Variants in VCAN observed in about 807,000 individuals in gnomAD.
VCAN encodes the protein versican core protein.
A neutral mutation model predicts 245.5 loss-of-function variants in VCAN; 44 were observed. The observed-to-expected ratio is 0.18, with a 90% confidence interval of 0.14 to 0.23. VCAN has a LOEUF of 0.23. Ranked by LOEUF, VCAN falls within the 10% of genes least tolerant of loss-of-function variation. The pLI, the probability that VCAN is intolerant of heterozygous loss-of-function variation, is 1.00. For synonymous variants in VCAN, 1,413 were observed against 1,437.0 expected, an observed-to-expected ratio of 0.98 and a Z score of 0.38; for missense variants, 3,793 against 4,057.9, an observed-to-expected ratio of 0.93 and a Z score of 1.77.
chr5:83,552,768 T>A (rs1747518743), intron 10 of VCAN, among the ~76,000 whole-genome samples: 2 of 152,158 alleles, frequency 1.3e-5, no homozygotes, highest in East Asian at 3.9e-4. Context: ...GGGCATTACC[T>A]ATCTTACCCT....
At chr5:83,548,541 T>C (rs964981448) in intron 10 of VCAN, among the ~76,000 whole-genome samples, 1 of 152,168 alleles carries the variant, frequency 6.6e-6, no homozygotes, top group African/African-American at 2.4e-5. Context: ...GTAGAAGATA[T>C]TGTGAATCTG....
intron 12 of VCAN, among the ~76,000 whole-genome samples, chr5:83,568,718 A>T (rs982862078): frequency 6.6e-6 from 1 of 152,230 alleles, no homozygotes; most frequent in Admixed American, 6.5e-5. Context: ...AGAAATGCAC[A>T]TATCATTTTA....
In VCAN at chr5:83,538,790, T is replaced by C; in HGVS notation, c.5787T>C (p.Pro1929=). 1 of 1,613,916 alleles carries C rather than the reference T, an allele frequency of 6.2e-7. No homozygotes were observed. Among genetic ancestry groups the C allele is most frequent in the South Asian group, 1.1e-5 (1 of 91,080 alleles). Residue 1929 remains proline (P), a synonymous_variant, in exon 8 of 15, where the codon CCT becomes CCC. Coordinates refer to ENST00000265077, the MANE Select transcript of VCAN (RefSeq NM_004385.5). ...AEIRGFSTGF[P]LEEDFSGDFR... ...TAAGGGGCTTTTCCACAGGTTTTCC[T>C]TTGGAGGAAGATTTCAGTGGTGACT...
At chr5:83,476,705 A>G in intron 1 of VCAN, among the ~76,000 whole-genome samples, 1 of 151,882 alleles carries the variant, frequency 6.6e-6, no homozygotes, top group Admixed American at 6.6e-5. Context: ...GTGTGTGTGT[A>G]TGTATACAGG....
chr5:83,552,226 A>G (rs1032630792), intron 10 of VCAN, among the ~76,000 whole-genome samples: 1 of 152,186 alleles, frequency 6.6e-6, no homozygotes, highest in Non-Finnish European at 1.5e-5. Context: ...CTGAGTTTCA[A>G]TTTGGCCACC....
chr5:83,575,627 C>T (rs1308188533), intron 13 of VCAN, among the ~76,000 whole-genome samples: 1 of 152,170 alleles, frequency 6.6e-6, no homozygotes, highest in Non-Finnish European at 1.5e-5. Context: ...TGCATTAAAG[C>T]ATGTTTAGCA....
At chr5:83,511,124 G>A (rs1479643312) in intron 5 of VCAN, among the ~76,000 whole-genome samples, 3 of 151,846 alleles carry the variant, frequency 2.0e-5, no homozygotes, top group Admixed American at 2.0e-4. Flanking sequence ...CCGAGTGAGT[G>A]GGGTGTTGGG....
chr5:83,504,439 G>C (rs1745423399), intron 5 of VCAN, among the ~76,000 whole-genome samples: 1 of 148,792 alleles, frequency 6.7e-6, no homozygotes, highest in Non-Finnish European at 1.5e-5. Flanking sequence ...CTGGAGTTCA[G>C]TGGCATGATC....
At chr5:83,522,596 A>G (rs1746148862) in intron 7 of VCAN, among the ~76,000 whole-genome samples, 1 of 152,242 alleles carries the variant, frequency 6.6e-6, no homozygotes, top group Admixed American at 6.5e-5. Context: ...CATGCAGAAC[A>G]AAGTGTTTTA....
At chr5:83,514,263 AG>A (rs145721898) in intron 6 of VCAN, among the ~76,000 whole-genome samples, 13,051 of 152,170 alleles carry the variant, frequency 0.086, 737 homozygotes, top group South Asian at 0.2. Context: ...GCATGTGGCT[AG>A]ATTCTTATTT....
chr5:83,477,280 C>T (rs1262849107), intron 1 of VCAN, among the ~76,000 whole-genome samples: 7 of 152,054 alleles, frequency 4.6e-5, no homozygotes, highest in Non-Finnish European at 1.5e-5. Context: ...CATGTAGTTT[C>T]TACTGAATCT....
chr5:83,577,844 A>G (rs1178470381), intron 13 of VCAN, among the ~76,000 whole-genome samples: 1 of 151,984 alleles, frequency 6.6e-6, no homozygotes. Flanking sequence ...ATGTGTGTAA[A>G]TCTCTTTCTG....
chr5:83,545,723 A>T lies in VCAN; in HGVS notation c.9379+73A>T, dbSNP rs927017065. The T allele has an allele frequency of 5.1e-6, 6 of 1,174,922 alleles. No homozygotes were observed. The East Asian group carries it at 1.2e-4, about 23-fold the overall frequency. 72.8% of individuals were successfully genotyped at this position (1,174,922 alleles called of 1,614,324 possible). On this transcript the variant is annotated intron_variant, in intron 9 of 14. Transcript: ENST00000265077. ...TATTGGGGGAGAATTTATGTTGTCGAATCAATCAGAGATTTCAAAGAAACC... is the reference window on the plus strand; with the variant it reads ...TATTGGGGGAGAATTTATGTTGTCGTATCAATCAGAGATTTCAAAGAAACC...
chr5:83,544,841 AT>A (rs1402425411), intron 8 of VCAN: 1 of 152,200 alleles, frequency 6.6e-6, no homozygotes, highest in Non-Finnish European at 1.5e-5. Context: ...TGTCGGTTTT[AT>A]TTGTATTTTA....
At chr5:83,563,498 C>T (rs768693379) in intron 12 of VCAN, among the ~76,000 whole-genome samples, 5 of 152,130 alleles carry the variant, frequency 3.3e-5, no homozygotes, top group Non-Finnish European at 7.4e-5. Flanking sequence ...ACCATTTGAC[C>T]TGTGTTCTGA....
In VCAN at chr5:83,541,433, A is replaced by G; in HGVS notation, c.8430A>G (p.Thr2810=). ...EGSNPPYYTD[T]TLAVSTFAKL... is the part of the protein sequence containing the mutation. ...CCAATCCCCCATATTACACTGATAC[A>G]ACATTAGCAGTTTCAACATTTGCGA... is the stretch of plus-strand genomic sequence containing the variant. The change falls in exon 8 of 15, where the codon ACA becomes ACG. Residue 2810 remains threonine, a synonymous_variant. Coordinates refer to ENST00000265077, the MANE Select transcript of VCAN (RefSeq NM_004385.5). 1.2e-6 allele frequency: 2 copies of G among 1,614,056 alleles called. No homozygotes were observed. The highest frequency in any genetic ancestry group is 1.7e-6 in the Non-Finnish European group (2 of 1,179,982).
intron 7 of VCAN, among the ~76,000 whole-genome samples, chr5:83,526,293 T>A (rs543147777): frequency 5.9e-5 from 9 of 152,000 alleles, no homozygotes; most frequent in Admixed American, 4.6e-4. Context: ...TATAATTTTT[T>A]AAAATCACAC....
chr5:83,495,140 TA>T (rs1345697479), intron 5 of VCAN, among the ~76,000 whole-genome samples: 2 of 152,168 alleles, frequency 1.3e-5, no homozygotes, highest in East Asian at 3.8e-4. Context: ...TAGGTGCATA[TA>T]AAAAGAATGA....
chr5:83,555,456 C>T (rs935372326), intron 12 of VCAN, among the ~76,000 whole-genome samples: 4 of 152,146 alleles, frequency 2.6e-5, no homozygotes, highest in African/African-American at 9.7e-5. Context: ...GACTCATTTC[C>T]AAGCAAAAAT....
Sources: gnomAD v4.1 joint callset for allele counts (sites outside exome capture counted in the v4.1 genomes callset) on GRCh38, gnomAD v4.1.1 for gene constraint, MANE v1.5 for transcripts, NCBI Gene and HGNC (gene_info 2026-07-23, HGNC 2026-07-21) for gene names.